The following TRPM4 variants were observed in gnomAD, a reference collection of about 807,000 sequenced individuals.
The protein encoded by TRPM4 is transient receptor potential cation channel subfamily M member 4, also known as calcium-activated non-selective cation channel 1.
TRPM4 carries 124 observed loss-of-function variants against 135.6 expected under a neutral mutation model. The observed-to-expected ratio is 0.91, with a 90% CI of 0.79 to 1.06. The LOEUF (loss-of-function observed/expected upper bound fraction) is 1.06, where lower values mean the gene tolerates loss of function less well. Ranked by LOEUF, TRPM4 falls within the 50% of genes least tolerant of loss-of-function variation. The pLI, the probability that TRPM4 is intolerant of heterozygous loss-of-function variation, is 0.00. For missense variants in TRPM4, 1,658 were observed against 1,671.4 expected (o/e 0.99, Z 0.14); for synonymous variants, 745 against 705.6 (o/e 1.06, Z -0.88).
Position 49,182,762 on chromosome 19 carries a change from G to A in TRPM4, c.1448G>A (p.Ser483Asn), listed in dbSNP as rs1394650492. 6.2e-7 allele frequency: 1 copy of A among 1,613,792 alleles called. No homozygotes were observed. The highest frequency in any genetic ancestry group is 1.1e-5 in the South Asian group (1 of 91,072). The change falls in exon 11 of 25, where the codon AGC becomes AAC. Residue 483 changes from serine (S) to asparagine (N), a missense_variant. This residue lies in a region of TRPM4 where 1,412 missense variants were observed against 1,408.7 expected (regional missense o/e 1.00). Coordinates refer to ENST00000252826, the MANE Select transcript of TRPM4 (RefSeq NM_017636.4). ...AACCTTTTGGACCAGGCGTCCCACAGCGCAGGCACCAAAGCCCCAGCCCTA... is the reference window on the plus strand; with the variant it reads ...AACCTTTTGGACCAGGCGTCCCACAACGCAGGCACCAAAGCCCCAGCCCTA... Reference protein sequence around the residue: ...IRNLLDQASHSAGTKAPALKG... With the variant: ...IRNLLDQASHNAGTKAPALKG...
At chr19:49,176,026 C>T (rs1480092267) in intron 9 of TRPM4, among the ~76,000 whole-genome samples, 7 of 149,550 alleles carry the variant, frequency 4.7e-5, no homozygotes, top group South Asian at 2.1e-4. Context: ...CAGGTTTAAG[C>T]GATTCTCCTG....
At chr19:49,176,175 C>T (rs1055881512) in intron 9 of TRPM4, among the ~76,000 whole-genome samples, 3 of 151,964 alleles carry the variant, frequency 2.0e-5, no homozygotes, top group East Asian at 1.9e-4. Context: ...CCACCCGCCT[C>T]GGCCTCCCAA....
chr19:49,175,853 T>C (rs1336123328), intron 9 of TRPM4, among the ~76,000 whole-genome samples: 1 of 149,208 alleles, frequency 6.7e-6, no homozygotes, highest in African/African-American at 2.5e-5. Context: ...GGTCTCGATC[T>C]CCTGACCTTG....
chr19:49,162,413 C>T lies in TRPM4; in HGVS notation c.93-3628C>T, dbSNP rs1052753349. ...AACTAGCCAGGTACTGTGGCACATG[C>T]CTGTAATCCCAGCTACTCAGGATGC... On this transcript the variant is annotated intron_variant, in intron 2 of 24. Transcript: ENST00000252826. Among the ~76,000 whole-genome samples, 4 of 152,160 alleles carry T rather than the reference C, an allele frequency of 2.6e-5. No individual in the cohort carries two copies. The South Asian group carries it at 8.3e-4, about 32-fold the overall frequency.
chr19:49,196,305 G>T, intron 16 of TRPM4, 135 bp from the exon 17 acceptor site: 1 of 814,232 alleles, frequency 1.2e-6, no homozygotes. Context: ...CAAAACCCAA[G>T]AAATTAGCTC....
chr19:49,170,138 C>T (rs113739478), intron 6 of TRPM4, among the ~76,000 whole-genome samples: 1,724 of 152,230 alleles, frequency 0.011, 43 homozygotes, highest in African/African-American at 0.04. Context: ...TGAGTTAGCT[C>T]AAAACTCCAG....
intron 9 of TRPM4, among the ~76,000 whole-genome samples, chr19:49,172,390 A>C (rs572881626): frequency 4.6e-5 from 7 of 152,126 alleles, no homozygotes; most frequent in Admixed American, 2.6e-4. Context: ...CTCTTTACCT[A>C]CCATCCTTCC....
rs77308325 is a variant in TRPM4, at chr19:49,202,196, T to G, written c.3131+55T>G. Reference sequence around the variant, plus strand: ...CCACCCAGCATGACCCGTGGCCCTCTCATGACTCTTGAACCCCGTCTAATG... The same window carrying G: ...CCACCCAGCATGACCCGTGGCCCTCGCATGACTCTTGAACCCCGTCTAATG... On this transcript the variant is annotated intron_variant, in intron 20 of 24. Coordinates refer to ENST00000252826, the MANE Select transcript of TRPM4 (RefSeq NM_017636.4). 1.9e-3 allele frequency: 3,023 copies of G among 1,588,354 alleles called. 57 individuals are homozygous for G. In the African/African-American group the frequency reaches 0.035, roughly 18 times the overall value.
chr19:49,193,971 C>T (rs1334257401), intron 16 of TRPM4, among the ~76,000 whole-genome samples: 1 of 150,970 alleles, frequency 6.6e-6, no homozygotes, highest in African/African-American at 2.4e-5. Context: ...CCTACTCATC[C>T]TCCTCCTCTT....
In TRPM4 at chr19:49,200,799, C is replaced by T. The variant is rs752210184; in HGVS notation, c.2953+14C>T. The T allele has an allele frequency of 4.3e-6, 7 of 1,613,334 alleles. No individual in the cohort carries two copies. The highest frequency in any genetic ancestry group is 2.2e-5 in the East Asian group (1 of 44,850). ...AGGACATGGACGGTAGGGGGGATGA[C>T]GGCCTGACAGCCTTCCTCTGAGTCT... On this transcript the variant is annotated intron_variant, in intron 19 of 24. Transcript: ENST00000252826.
At chr19:49,188,207 A>G (rs539721548) in intron 12 of TRPM4, among the ~76,000 whole-genome samples, 46 of 152,338 alleles carry the variant, frequency 3.0e-4, no homozygotes, top group Non-Finnish European at 5.4e-4. Flanking sequence ...TATGCCCAGG[A>G]ATGAGCGAGG....
chr19:49,200,381 C>G lies in TRPM4; in HGVS notation c.2727C>G (p.Ile909Met). 6.2e-7 allele frequency: 1 copy of G among 1,613,732 alleles called. No homozygotes were observed. Among genetic ancestry groups the G allele is most frequent in the Non-Finnish European group, 8.5e-7 (1 of 1,179,980 alleles). Residue 909 changes from isoleucine (I) to methionine (M), a missense_variant, in exon 18 of 25, where the codon ATC becomes ATG. By Grantham distance (10) the Ile-to-Met change is conservative. Coordinates refer to ENST00000252826, the MANE Select transcript of TRPM4 (RefSeq NM_017636.4). ...FMVFTVRLLH[I>M]FTVNKQLGPK... Reference sequence around the variant, plus strand: ...TTTTCACGGTGCGGCTGCTTCACATCTTCACGGTCAACAAACAGCTGGGGC... The same window carrying G: ...TTTTCACGGTGCGGCTGCTTCACATGTTCACGGTCAACAAACAGCTGGGGC...
chr19:49,204,911 C>A (rs1188037103), intron 20 of TRPM4, among the ~76,000 whole-genome samples: 1 of 139,094 alleles, frequency 7.2e-6, no homozygotes, highest in Non-Finnish European at 1.5e-5. Flanking sequence ...TATGTTAGGT[C>A]TCTCTGTTTG....
Position 49,210,277 on chromosome 19 carries a change from G to A in TRPM4, c.3200G>A (p.Arg1067Gln). Reference protein sequence around the residue: ...YWKAQRYRLIREFHSRPALAP... With the variant: ...YWKAQRYRLIQEFHSRPALAP... The stretch of plus-strand genomic sequence containing the variant: ...AAGGCGCAGCGTTACCGCCTCATCC[G>A]GGAATTCCACTCTCGGCCCGCGCTG... The change falls in exon 21 of 25, where the codon CGG becomes CAG. Residue 1067 changes from arginine to glutamine, a missense_variant. This residue lies in a region of TRPM4 where 1,412 missense variants were observed against 1,408.7 expected (regional missense o/e 1.00). Coordinates refer to ENST00000252826, the MANE Select transcript of TRPM4 (RefSeq NM_017636.4). This position sits in a 1 kb window ranked among gnomAD's most constrained non-coding sequence, Gnocchi z 4.1. 1 of 1,614,210 alleles carries A rather than the reference G, an allele frequency of 6.2e-7. No individual in the cohort carries two copies. The highest frequency in any genetic ancestry group is 8.5e-7 in the Non-Finnish European group (1 of 1,180,044).
At chr19:49,169,342 G>C (rs983985718) in intron 6 of TRPM4, among the ~76,000 whole-genome samples, 43 of 143,778 alleles carry the variant, frequency 3.0e-4, no homozygotes, top group African/African-American at 1.1e-3. Flanking sequence ...CGCGATCTCG[G>C]CTCACTGCAG....
intron 15 of TRPM4, 105 bp downstream of exon 15, chr19:49,190,425 C>T: frequency 1.8e-6 from 2 of 1,083,506 alleles, no homozygotes; most frequent in Non-Finnish European, 2.8e-6. Flanking sequence ...CATTGTGTCC[C>T]TTCCCTAGGA....
At chr19:49,162,819 T>C (rs1967016808) in intron 2 of TRPM4, among the ~76,000 whole-genome samples, 1 of 151,982 alleles carries the variant, frequency 6.6e-6, no homozygotes, top group African/African-American at 2.4e-5. Flanking sequence ...TGGAGTGCAG[T>C]GGTGCAATCT....
chr19:49,203,910 C>G (rs538817148), intron 20 of TRPM4, among the ~76,000 whole-genome samples: 1 of 152,000 alleles, frequency 6.6e-6, no homozygotes. Context: ...GGTGGATCAC[C>G]TGAGGTCAGG....
intron 12 of TRPM4, among the ~76,000 whole-genome samples, chr19:49,186,008 C>T (rs1183760047): frequency 6.6e-6 from 1 of 152,200 alleles, no homozygotes; most frequent in Non-Finnish European, 1.5e-5. Context: ...ACCTTGGCCT[C>T]CCAAAGTGTT....
Sources: allele counts gnomAD v4.1 joint callset (sites outside exome capture counted in the v4.1 genomes callset), GRCh38; gene constraint gnomAD v4.1.1; regional missense constraint gnomAD v4.1.1; non-coding constraint Gnocchi (gnomAD v3.1); transcripts MANE v1.5; gene names NCBI Gene and HGNC (gene_info 2026-07-23, HGNC 2026-07-21).